SCARA5: variants seen among roughly 807,000 people sequenced by gnomAD.
The protein encoded by SCARA5 is scavenger receptor class A, member 5 (putative).
SCARA5 carries 45 observed loss-of-function variants against 46.3 expected under a neutral mutation model. That is an observed-to-expected ratio of 0.97 (90% CI 0.76 to 1.24). SCARA5 has a LOEUF of 1.24. Ranked by LOEUF, SCARA5 falls within the 50% of genes most tolerant of loss-of-function variation. The probability of loss-of-function intolerance (pLI) is 0.00; values close to 1 mark genes in which losing one functional copy is unlikely to be tolerated. For synonymous variants in SCARA5, 333 were observed against 306.5 expected, an observed-to-expected ratio of 1.09 and a Z score of -0.90; for missense variants, 680 against 689.0, an observed-to-expected ratio of 0.99 and a Z score of 0.15.
chr8:27,949,730 C>T (rs541812668), intron 3 of SCARA5, among the ~76,000 whole-genome samples: 7 of 152,332 alleles, frequency 4.6e-5, no homozygotes, highest in Admixed American at 4.6e-4. Flanking sequence ...GTACCCGGAG[C>T]TGGATGGGAA....
intron 2 of SCARA5, among the ~76,000 whole-genome samples, chr8:27,971,857 A>G (rs1332472458): frequency 2.0e-5 from 3 of 152,126 alleles, no homozygotes; most frequent in Non-Finnish European, 4.4e-5. Context: ...TCTCCTCTGT[A>G]GGCATCCTCC....
chr8:27,953,260 T>C (rs1213763323), intron 3 of SCARA5, among the ~76,000 whole-genome samples: 1 of 152,150 alleles, frequency 6.6e-6, no homozygotes, highest in Non-Finnish European at 1.5e-5. Context: ...CACAGAGGCA[T>C]GGGTGGGTCT....
chr8:27,889,084 CATG>C (rs5890387), intron 7 of SCARA5, among the ~76,000 whole-genome samples: 49,520 of 151,836 alleles, frequency 0.33, 8,445 homozygotes, highest in Middle Eastern at 0.46. Context: ...GGACCAACCC[CATG>C]GTCCTCAGCC....
chr8:27,871,738 G>T lies in SCARA5; in HGVS notation c.*196C>A. 2 of 1,429,564 alleles carry T rather than the reference G, an allele frequency of 1.4e-6. No homozygotes were observed. The highest frequency in any genetic ancestry group is 1.8e-6 in the Non-Finnish European group (2 of 1,094,752). 88.6% of individuals were successfully genotyped at this position (1,429,564 alleles called of 1,614,324 possible). ...AGAGAGAGACGGGCAGTAGGTCCCA[G>T]AGTTATACTTCGGAGCACATGTTCA... On this transcript the variant is annotated 3_prime_UTR_variant, in exon 9 of 9. Coordinates refer to ENST00000354914, the MANE Select transcript of SCARA5 (RefSeq NM_173833.6).
chr8:27,892,028 C>T (rs1009956124), intron 7 of SCARA5, among the ~76,000 whole-genome samples: 2 of 152,212 alleles, frequency 1.3e-5, no homozygotes, highest in Non-Finnish European at 2.9e-5. Flanking sequence ...TGGGAAAGAC[C>T]GTGAATCATT....
chr8:27,951,261 A>G (rs1283401293), intron 3 of SCARA5, among the ~76,000 whole-genome samples: 1 of 152,238 alleles, frequency 6.6e-6, no homozygotes, highest in African/African-American at 2.4e-5. Context: ...ACCGGTATCA[A>G]TGCCTGAGCA....
Position 27,921,668 on chromosome 8 carries a change from C to T in SCARA5, c.819G>A (p.Leu273=), listed in dbSNP as rs1195645859. The T allele has an allele frequency of 1.9e-6, 3 of 1,608,982 alleles. No individual in the cohort carries two copies. Among genetic ancestry groups the T allele is most frequent in the Non-Finnish European group, 2.5e-6 (3 of 1,177,698 alleles). Residue 273 remains leucine (L), a synonymous_variant, in exon 4 of 9, where the codon CTG becomes CTA. Coordinates refer to ENST00000354914, the MANE Select transcript of SCARA5 (RefSeq NM_173833.6). ...RLAHVGMELQ[L]KQELAMLNAV... is the part of the protein sequence containing the mutation. ...CGTTGAGCATGGCCAGCTCCTGCTTCAGCTGCAGCTCCATGCCTACGTGCG... is the reference window on the plus strand; with the variant it reads ...CGTTGAGCATGGCCAGCTCCTGCTTTAGCTGCAGCTCCATGCCTACGTGCG...
intron 7 of SCARA5, among the ~76,000 whole-genome samples, chr8:27,888,068 T>C (rs1806925285): frequency 6.6e-6 from 1 of 152,138 alleles, no homozygotes; most frequent in Non-Finnish European, 1.5e-5. Context: ...GACGGACTTT[T>C]TTTTTTGAGA....
In SCARA5 at chr8:27,908,194, GA is replaced by G. The variant is rs376092430; in HGVS notation, c.998-949del. 6.6e-3 allele frequency among the ~76,000 whole-genome samples: 996 copies of G among 151,886 alleles called. 5 individuals are homozygous for G. The highest frequency in any genetic ancestry group is 0.022 in the African/African-American group (901 of 41,458). ...AAAGTAGCTTCTCGTTTTATTTAAGGAAAAAAAACACAAAAAGATCCCTTCC... is the reference window on the plus strand; with the variant it reads ...AAAGTAGCTTCTCGTTTTATTTAAGGAAAAAAACACAAAAAGATCCCTTCC... On this transcript the variant is annotated intron_variant, in intron 5 of 8. Coordinates refer to ENST00000354914, the MANE Select transcript of SCARA5 (RefSeq NM_173833.6).
At position 27,871,944 on chromosome 8, in the gene SCARA5, T is replaced by C; in HGVS notation, c.1478A>G (p.Asn493Ser). The change falls in exon 9 of 9, where the codon AAC (asparagine) becomes AGC (serine). Residue 493 changes from asparagine to serine, a missense_variant. Coordinates refer to ENST00000354914, the MANE Select transcript of SCARA5 (RefSeq NM_173833.6). ...GHAEDASVTC[N>S]RH Reference sequence around the variant, plus strand: ...GGGCTCTGCCCACTTTCAGTGTCTGTTGCATGTCACGCTGGCATCTTCGGC... The same window carrying C: ...GGGCTCTGCCCACTTTCAGTGTCTGCTGCATGTCACGCTGGCATCTTCGGC... 1 of 1,614,178 alleles carries C rather than the reference T, an allele frequency of 6.2e-7. No homozygotes were observed. The highest frequency in any genetic ancestry group is 2.2e-5 in the East Asian group (1 of 44,880).
At chr8:27,951,690 G>A (rs1808130645) in intron 3 of SCARA5, among the ~76,000 whole-genome samples, 1 of 152,258 alleles carries the variant, frequency 6.6e-6, no homozygotes, top group Non-Finnish European at 1.5e-5. Flanking sequence ...TGTGCCTCCT[G>A]TACCCAGAGG....
At position 27,966,543 on chromosome 8, in the gene SCARA5, C is replaced by A. The variant is rs1808372335; in HGVS notation, c.113-1G>T. The A allele has an allele frequency of 6.2e-7, 1 of 1,607,798 alleles. No individual in the cohort carries two copies. Among genetic ancestry groups the A allele is most frequent in the Non-Finnish European group, 8.5e-7 (1 of 1,178,318 alleles). ...CTTGCCCGCCGTTTGTGACATGGAC[C>A]TGGACAATAAGGGTAAGAGGAGGAA... On this transcript the variant is annotated splice_acceptor_variant, in intron 2 of 8. Coordinates refer to ENST00000354914, the MANE Select transcript of SCARA5 (RefSeq NM_173833.6). LOFTEE classifies it high-confidence loss of function.
chr8:27,949,150 G>C (rs1280409794), intron 3 of SCARA5, among the ~76,000 whole-genome samples: 1 of 152,242 alleles, frequency 6.6e-6, no homozygotes, highest in Non-Finnish European at 1.5e-5. Flanking sequence ...GCCCAGGCCT[G>C]TCTTGATCAC....
At chr8:27,986,742 G>A (rs1808710969) in intron 2 of SCARA5, among the ~76,000 whole-genome samples, 1 of 152,190 alleles carries the variant, frequency 6.6e-6, no homozygotes, top group Non-Finnish European at 1.5e-5. Context: ...TTGGCAGAGT[G>A]GAGCAAAACA....
At chr8:27,959,075 A>G (rs576766360) in intron 3 of SCARA5, among the ~76,000 whole-genome samples, 3 of 152,230 alleles carry the variant, frequency 2.0e-5, no homozygotes, top group Middle Eastern at 3.4e-3. Context: ...TCTACTAAAA[A>G]TACAAAAATT....
intron 3 of SCARA5, among the ~76,000 whole-genome samples, chr8:27,962,684 G>T (rs370557190): frequency 2.0e-5 from 3 of 152,174 alleles, no homozygotes; most frequent in Admixed American, 6.5e-5. Flanking sequence ...ACAACTCTCC[G>T]CAGGCCAAGC....
At chr8:27,892,896 G>T (rs182165714) in intron 7 of SCARA5, among the ~76,000 whole-genome samples, 2 of 152,154 alleles carry the variant, frequency 1.3e-5, no homozygotes, top group Admixed American at 1.3e-4. Flanking sequence ...GTGAGCCACC[G>T]CACCCAGCCT....
At chr8:27,925,579 A>T (rs1807667767) in intron 3 of SCARA5, among the ~76,000 whole-genome samples, 1 of 152,226 alleles carries the variant, frequency 6.6e-6, no homozygotes, top group Non-Finnish European at 1.5e-5. Flanking sequence ...GGCATGGGCA[A>T]GGACTTCATG....
chr8:27,980,030 C>A (rs1038390566), intron 2 of SCARA5, among the ~76,000 whole-genome samples: 2 of 152,148 alleles, frequency 1.3e-5, no homozygotes, highest in African/African-American at 4.8e-5. Context: ...TTTAGGTAAC[C>A]TTGCACTTGA....
Sources: allele counts gnomAD v4.1 joint callset (sites outside exome capture counted in the v4.1 genomes callset), GRCh38; gene constraint gnomAD v4.1.1; transcripts MANE v1.5; gene names NCBI Gene and HGNC (gene_info 2026-07-23, HGNC 2026-07-21).